The following PLVAP variants were observed in gnomAD, a reference collection of about 807,000 sequenced individuals.
PLVAP encodes plasmalemma vesicle-associated protein.
A neutral mutation model predicts 43.1 loss-of-function variants in PLVAP; 34 were observed. That is an observed-to-expected ratio of 0.79 (90% CI 0.60 to 1.05). The LOEUF (loss-of-function observed/expected upper bound fraction) is 1.05, where lower values mean the gene tolerates loss of function less well. Among genes scored for constraint, PLVAP ranks in the 50% least tolerant of loss-of-function variants. PLVAP has a pLI of 0.00. For missense variants in PLVAP, 574 were observed against 593.4 expected, an observed-to-expected ratio of 0.97 and a Z score of 0.34; for synonymous variants, 241 against 237.3, an observed-to-expected ratio of 1.02 and a Z score of -0.14.
chr19:17,352,900 C>T (rs558917324), intron 5 of PLVAP, among the ~76,000 whole-genome samples: 9 of 152,354 alleles, frequency 5.9e-5, no homozygotes, highest in Admixed American at 5.2e-4. Flanking sequence ...CTCCACCCCT[C>T]TGCCCCTGCC....
chr19:17,366,023 C>T (rs774854260), intron 2 of PLVAP, 25 bp from the exon 3 acceptor site: 25 of 1,611,384 alleles, frequency 1.6e-5, no homozygotes, highest in Non-Finnish European at 2.0e-5. Context: ...ACCAGGAGAC[C>T]CAGGAAGATT....
At position 17,351,961 on chromosome 19, in the gene PLVAP, C is replaced by T. The variant is rs1338642600; in HGVS notation, c.*401G>A. ...GTCTGTGTGACATTAATATGTGTGA[C>T]GTCGACATGGCCCGTGACGTCGTTG... On this transcript the variant is annotated 3_prime_UTR_variant, in exon 6 of 6. Transcript: ENST00000252590. The T allele has an allele frequency of 3.6e-6, 1 of 276,350 alleles. No homozygotes were observed. The highest frequency in any genetic ancestry group is 1.1e-3 in the Middle Eastern group (1 of 870). 17.1% of individuals were successfully genotyped at this position (276,350 alleles called of 1,614,324 possible).
intron 1 of PLVAP, among the ~76,000 whole-genome samples, chr19:17,373,673 T>A (rs2074583477): frequency 2.0e-5 from 3 of 152,014 alleles, no homozygotes; most frequent in Non-Finnish European, 4.4e-5. Context: ...ACCCCCTGGA[T>A]GAAGTTGTGT....
At position 17,365,583 on chromosome 19, in the gene PLVAP, G is replaced by C; in HGVS notation, c.882C>G (p.Ile294Met). 1 of 1,612,558 alleles carries C rather than the reference G, an allele frequency of 6.2e-7. No homozygotes were observed. The change falls in exon 3 of 6, where the codon ATC (isoleucine) becomes ATG (methionine). Residue 294 changes from isoleucine to methionine, a missense_variant. Physicochemically the swap from Ile to Met is conservative, Grantham distance 10. Transcript: ENST00000252590. ...CTGAGTTCTCGCGGGCCACGCGTTCGATATCCGCCCGGAGGCTCCGGGCCA... is the reference window on the plus strand; with the variant it reads ...CTGAGTTCTCGCGGGCCACGCGTTCCATATCCGCCCGGAGGCTCCGGGCCA... ...EELARSLRAD[I>M]ERVARENSDL...
chr19:17,352,607 G>A (rs891405563), intron 5 of PLVAP, among the ~76,000 whole-genome samples: 8 of 152,092 alleles, frequency 5.3e-5, no homozygotes. Context: ...TGAGACTGAG[G>A]TGTGTTCTTC....
rs755784548 is a variant in PLVAP, at chr19:17,352,318, C to T, written c.*44G>A. On this transcript the variant is annotated 3_prime_UTR_variant, in exon 6 of 6. Coordinates refer to ENST00000252590, the MANE Select transcript of PLVAP (RefSeq NM_031310.3). ...AGCATATCCCTGCATCCTCCGCAAACCGCCGAGTCGGGCCATCCCTTGGTC... is the reference window on the plus strand; with the variant it reads ...AGCATATCCCTGCATCCTCCGCAAATCGCCGAGTCGGGCCATCCCTTGGTC... The T allele has an allele frequency of 1.8e-5, 29 of 1,612,128 alleles. No homozygotes were observed. Among genetic ancestry groups the T allele is most frequent in the Non-Finnish European group, 2.4e-5 (28 of 1,178,714 alleles).
chr19:17,363,959 G>A (rs1361178954), intron 3 of PLVAP, among the ~76,000 whole-genome samples: 1 of 151,702 alleles, frequency 6.6e-6, no homozygotes, highest in Non-Finnish European at 1.5e-5. Context: ...TGTTAGCCAG[G>A]ATGGCCTCCA....
chr19:17,368,296 T>C (rs1379612795), intron 1 of PLVAP, among the ~76,000 whole-genome samples: 1 of 151,818 alleles, frequency 6.6e-6, no homozygotes, highest in Non-Finnish European at 1.5e-5. Context: ...GGTCTCAAAC[T>C]CCCATCCTCA....
intron 5 of PLVAP, among the ~76,000 whole-genome samples, chr19:17,354,418 G>A (rs2074497957): frequency 6.6e-6 from 1 of 151,662 alleles, no homozygotes; most frequent in Non-Finnish European, 1.5e-5. Flanking sequence ...CCAACATGGC[G>A]AAACGCCGTC....
intron 3 of PLVAP, among the ~76,000 whole-genome samples, chr19:17,363,397 C>T (rs2074535751): frequency 6.6e-6 from 1 of 152,146 alleles, no homozygotes; most frequent in Non-Finnish European, 1.5e-5. Context: ...GAACTCCTGA[C>T]CTCAGGTGAT....
rs71162109 is a variant in PLVAP at position 17,364,764 on chromosome 19, CTTTTTTTTTTT to C, written c.1179+511_1179+521del. ...TATCCACCCTACCTCTAATTCCAGT[CTTTTTTTTTTT>C]TTTTTTTTTTTTTTTGAGATGGAGT... On this transcript the variant is annotated intron_variant, in intron 3 of 5. Coordinates refer to ENST00000252590, the MANE Select transcript of PLVAP (RefSeq NM_031310.3). 5.7e-5 allele frequency among the ~76,000 whole-genome samples: 5 copies of C among 87,360 alleles called. No individual in the cohort carries two copies. The South Asian group carries it at 1.2e-3, about 20-fold the overall frequency. The allele number at this position is 87,360 out of a possible 152,430, so 57.3% of individuals were successfully genotyped here. A position where few individuals can be genotyped will look rare whatever the true frequency, so the allele number is the denominator to read the frequency against.
intron 3 of PLVAP, among the ~76,000 whole-genome samples, chr19:17,364,778 T>A (rs2074541680): frequency 7.0e-6 from 1 of 142,514 alleles, no homozygotes; most frequent in African/African-American, 2.6e-5. Flanking sequence ...TTTTTTTTTT[T>A]TTTTTTTTTT....
At position 17,363,295 on chromosome 19, in the gene PLVAP, C is replaced by T. The variant is rs372180986; in HGVS notation, c.1179+1991G>A. On this transcript the variant is annotated intron_variant, in intron 3 of 5. Coordinates refer to ENST00000252590, the MANE Select transcript of PLVAP (RefSeq NM_031310.3). ...TCTCATGCCTCAGCCTCCCAAGAAG[C>T]AGCTGGGATAACAGGTGTCTGCCAC... is the stretch of plus-strand genomic sequence containing the variant. Among the ~76,000 whole-genome samples the T allele has an allele frequency of 7.9e-5, 12 of 152,128 alleles. No individual in the cohort carries two copies. The South Asian group carries it at 2.3e-3, about 29-fold the overall frequency.
intron 1 of PLVAP, among the ~76,000 whole-genome samples, chr19:17,372,531 A>C (rs1184134158): frequency 6.7e-6 from 1 of 149,548 alleles, no homozygotes; most frequent in Non-Finnish European, 1.5e-5. Flanking sequence ...ATCTCGGCTC[A>C]CTGCAAGCTC....
intron 1 of PLVAP, among the ~76,000 whole-genome samples, chr19:17,370,065 A>G (rs117157251): frequency 0.051 from 7,694 of 151,946 alleles, 293 homozygotes; most frequent in Middle Eastern, 0.13. Flanking sequence ...CGGAAATGCA[A>G]ATCAGGACCA....
chr19:17,376,467 A>C (rs534661583), intron 1 of PLVAP, among the ~76,000 whole-genome samples: 130 of 151,890 alleles, frequency 8.6e-4, no homozygotes, highest in African/African-American at 2.8e-3. Context: ...CATCCAGCCC[A>C]GGATACACAT....
chr19:17,372,686 G>A (rs2074577597), intron 1 of PLVAP, among the ~76,000 whole-genome samples: 2 of 150,588 alleles, frequency 1.3e-5, no homozygotes, highest in South Asian at 4.2e-4. Context: ...TCGATCTCCT[G>A]ACCTAGTGAT....
At chr19:17,364,470 G>A (rs1019690214) in intron 3 of PLVAP, among the ~76,000 whole-genome samples, 2 of 152,036 alleles carry the variant, frequency 1.3e-5, no homozygotes, top group Admixed American at 6.6e-5. Flanking sequence ...CAAAATGCTG[G>A]GATTACAAGT....
At chr19:17,376,814 T>C (rs2145729128) in intron 1 of PLVAP, 106 bp downstream of exon 1, 1 of 1,126,328 alleles carries the variant, frequency 8.9e-7, no homozygotes, top group South Asian at 1.5e-5. Flanking sequence ...AAAGAGAGCA[T>C]TGGTCCTGTG....
Sources: allele counts gnomAD v4.1 joint callset (sites outside exome capture counted in the v4.1 genomes callset), GRCh38; gene constraint gnomAD v4.1.1; transcripts MANE v1.5; gene names NCBI Gene and HGNC (gene_info 2026-07-23, HGNC 2026-07-21).